The following RARA variants were observed in gnomAD, a reference collection of about 807,000 sequenced individuals.
RARA encodes the protein PML-DDX5-RARA fusion.
A neutral mutation model predicts 42.8 loss-of-function variants in RARA; 5 were observed. The observed-to-expected ratio is 0.12, with a 90% confidence interval of 0.06 to 0.25. The LOEUF (loss-of-function observed/expected upper bound fraction) is 0.25, where lower values mean the gene tolerates loss of function less well. Ranked by LOEUF, RARA falls within the 10% of genes least tolerant of loss-of-function variation. RARA has a pLI of 1.00. For synonymous variants in RARA, 256 were observed against 259.5 expected (o/e 0.99, Z 0.13); for missense variants, 402 against 628.7 (o/e 0.64, Z 3.86).
At position 40,354,618 on chromosome 17, in the gene RARA, G is replaced by A. The variant is rs1030134579; in HGVS notation, c.1012+112G>A. 7.7e-7 allele frequency: 1 copy of A among 1,306,166 alleles called. No individual in the cohort carries two copies. Among genetic ancestry groups the A allele is most frequent in the East Asian group, 2.5e-5 (1 of 39,956 alleles). The allele number at this position is 1,306,166 out of a possible 1,614,324, so 80.9% of individuals were successfully genotyped here. Reference sequence around the variant, plus strand: ...CTGTTAGGTATCTCTAGAGGGCAGGGTCTGGTCTGCAACTACACAGCAAGG... The same window carrying A: ...CTGTTAGGTATCTCTAGAGGGCAGGATCTGGTCTGCAACTACACAGCAAGG... On this transcript the variant is annotated intron_variant, in intron 7 of 8. Transcript: ENST00000254066. This position sits in a 1 kb window ranked among gnomAD's most constrained non-coding sequence, Gnocchi z 4.5.
At chr17:40,337,886 A>AGGAGGGACAGCCCAGGC (rs1361625546) in intron 2 of RARA, among the ~76,000 whole-genome samples, 11 of 152,286 alleles carry the variant, frequency 7.2e-5, no homozygotes, top group African/African-American at 1.7e-4. Flanking sequence ...CCTGGACAAT[A>AGGAGGGACAGCCCAGGC]GGAGGGACAG....
intron 1 of RARA, among the ~76,000 whole-genome samples, chr17:40,324,823 AT>A (rs2033491530): frequency 6.6e-6 from 1 of 152,046 alleles, no homozygotes; most frequent in Non-Finnish European, 1.5e-5. Context: ...ACTAGGGCAG[AT>A]TTTCAAACCA....
chr17:40,313,469 C>T lies in RARA; in HGVS notation c.-363+4183C>T, dbSNP rs142541020. ...TCTGCTTTCTGTCTTCTGCCTCAGG[C>T]TCTCCCCACAGGCCACCATGCTGCA... is the stretch of plus-strand genomic sequence containing the variant. On this transcript the variant is annotated intron_variant, in intron 1 of 8. Transcript: ENST00000254066. Among the ~76,000 whole-genome samples the T allele has an allele frequency of 2.0e-5, 3 of 152,256 alleles. No homozygotes were observed. The East Asian group carries it at 5.8e-4, about 29-fold the overall frequency.
intron 2 of RARA, chr17:40,341,543 G>T: frequency 3.5e-6 from 5 of 1,443,842 alleles, no homozygotes; most frequent in Non-Finnish European, 4.6e-6. Flanking sequence ...GAGGTGGCCC[G>T]GTTCGGCCGG....
At chr17:40,315,171 T>TATAC (rs1247793097) in intron 1 of RARA, among the ~76,000 whole-genome samples, 229 of 76,452 alleles carry the variant, frequency 3.0e-3, no homozygotes, top group Middle Eastern at 7.7e-3. Flanking sequence ...TATATATATA[T>TATAC]ACACACACAC....
chr17:40,326,976 C>A lies in RARA; in HGVS notation c.-362-3881C>A, dbSNP rs139358518. On this transcript the variant is annotated intron_variant, in intron 1 of 8. Coordinates refer to ENST00000254066, the MANE Select transcript of RARA (RefSeq NM_000964.4). This position sits in a 1 kb window ranked among gnomAD's most constrained non-coding sequence, Gnocchi z 5.2. ...ATTTCTGTGACCTTTAGCCCTCCTG[C>A]GGCTCAAGGCCCTCCCCAGGGAGCT... 6.6e-6 allele frequency among the ~76,000 whole-genome samples: 1 copy of A among 152,174 alleles called. No individual in the cohort carries two copies. Among genetic ancestry groups the A allele is most frequent in the Non-Finnish European group, 1.5e-5 (1 of 68,034 alleles).
intron 1 of RARA, among the ~76,000 whole-genome samples, chr17:40,314,406 A>C (rs2033152910): frequency 6.6e-6 from 1 of 151,808 alleles, no homozygotes. Context: ...CTGCCAGGAC[A>C]TGTTAAAGGA....
chr17:40,336,609 C>T (rs1027968214), intron 2 of RARA, among the ~76,000 whole-genome samples: 2 of 150,786 alleles, frequency 1.3e-5, no homozygotes, highest in Admixed American at 1.3e-4. Flanking sequence ...AGGATGGTCT[C>T]GATCTCCTGA....
At chr17:40,337,701 G>T (rs1014441763) in intron 2 of RARA, among the ~76,000 whole-genome samples, 8 of 152,272 alleles carry the variant, frequency 5.3e-5, no homozygotes, top group Non-Finnish European at 1.0e-4. Flanking sequence ...CCCCAAAAGG[G>T]TGGCTGCATG....
chr17:40,323,953 C>G (rs561572639), intron 1 of RARA, among the ~76,000 whole-genome samples: 2 of 152,060 alleles, frequency 1.3e-5, no homozygotes, highest in African/African-American at 4.8e-5. Context: ...ATATGGCATA[C>G]GCAGGGTTGG....
chr17:40,341,500 C>G (rs902525648), intron 2 of RARA: 2 of 1,488,630 alleles, frequency 1.3e-6, no homozygotes, highest in East Asian at 2.9e-5. Context: ...CCCGGCCCTA[C>G]GCCTCCTGCC....
Position 40,351,994 on chromosome 17 carries a change from G to A in RARA, c.554G>A (p.Gly185Glu). Residue 185 changes from glycine (G) to glutamate (E), a missense_variant, in exon 5 of 9, where the codon GGG becomes GAG. Physicochemically the swap from Gly to Glu is moderately conservative, Grantham distance 98. Coordinates refer to ENST00000254066, the MANE Select transcript of RARA (RefSeq NM_000964.4). This position sits in a 1 kb window ranked among gnomAD's most constrained non-coding sequence, Gnocchi z 4.1. ...AGCTACACGCTGACGCCGGAGGTGGGGGAGCTCATTGAGAAGGTGCGCAAA... is the reference window on the plus strand; with the variant it reads ...AGCTACACGCTGACGCCGGAGGTGGAGGAGCTCATTGAGAAGGTGCGCAAA... Reference protein sequence around the residue: ...SESYTLTPEVGELIEKVRKAH... With the variant: ...SESYTLTPEVEELIEKVRKAH... The A allele has an allele frequency of 6.2e-7, 1 of 1,603,618 alleles. No individual in the cohort carries two copies. Among genetic ancestry groups the A allele is most frequent in the South Asian group, 1.1e-5 (1 of 90,084 alleles).
intron 2 of RARA, chr17:40,342,473 C>G: frequency 8.1e-7 from 1 of 1,236,538 alleles, no homozygotes; most frequent in Non-Finnish European, 1.0e-6. Flanking sequence ...GCCGACGGAC[C>G]CCCCCTCCCA....
chr17:40,341,373 G>C, intron 2 of RARA: 1 of 1,448,200 alleles, frequency 6.9e-7, no homozygotes, highest in Non-Finnish European at 9.2e-7. Context: ...GTCGGGTTCC[G>C]GCGGCCGGAG....
intron 1 of RARA, among the ~76,000 whole-genome samples, chr17:40,329,473 A>C (rs1376173942): frequency 1.3e-5 from 2 of 152,070 alleles, no homozygotes; most frequent in Non-Finnish European, 2.9e-5. Flanking sequence ...TGCGCAGCTA[A>C]TTTTTTAGTA....
chr17:40,342,403 G>T, intron 2 of RARA: 1 of 1,150,948 alleles, frequency 8.7e-7, no homozygotes. Context: ...GACTCTAGAC[G>T]GGAGTCCCCT....
intron 2 of RARA, among the ~76,000 whole-genome samples, chr17:40,339,371 G>A (rs1021612005): frequency 1.1e-4 from 16 of 152,248 alleles, no homozygotes; most frequent in Admixed American, 6.5e-4. Flanking sequence ...AGAAGGAGCT[G>A]AGGGAGGGAT....
rs773450052 is a variant in RARA, at chr17:40,356,250, C to T, written c.*24C>T. 3.9e-6 allele frequency: 6 copies of T among 1,543,858 alleles called. No individual in the cohort carries two copies. The highest frequency in any genetic ancestry group is 1.2e-5 in the South Asian group (1 of 83,952). On this transcript the variant is annotated 3_prime_UTR_variant, in exon 9 of 9. Transcript: ENST00000254066. ...GACCGCCCACGCCACATGGACACAG[C>T]CCTCGCCCTCCGCCCCGGCTTTTCT...
intron 1 of RARA, among the ~76,000 whole-genome samples, chr17:40,329,601 T>C (rs1408520260): frequency 1.3e-5 from 2 of 152,178 alleles, no homozygotes; most frequent in Non-Finnish European, 2.9e-5. Flanking sequence ...ATTATAGGTG[T>C]GAGCCACCGC....
Sources: allele counts gnomAD v4.1 joint callset (sites outside exome capture counted in the v4.1 genomes callset), GRCh38; gene constraint gnomAD v4.1.1; non-coding constraint Gnocchi (gnomAD v3.1); transcripts MANE v1.5; gene names NCBI Gene and HGNC (gene_info 2026-07-23, HGNC 2026-07-21).